EPHA7: variants seen among roughly 807,000 people sequenced by gnomAD.
EPHA7 encodes the protein EPH receptor A7, also known as ephrin type-A receptor 7.
In EPHA7, 25 loss-of-function variants were observed where a neutral mutation model predicts 112.6. That is an observed-to-expected ratio of 0.22 (90% CI 0.16 to 0.31). The LOEUF is 0.31. Ranked by LOEUF, EPHA7 falls within the 10% of genes least tolerant of loss-of-function variation. The pLI is 1.00. For missense variants in EPHA7, 962 were observed against 1,212.6 expected (o/e 0.79, Z 3.07); for synonymous variants, 437 against 406.5 (o/e 1.07, Z -0.90).
intron 1 of EPHA7, among the ~76,000 whole-genome samples, chr6:93,415,318 A>G (rs1322435124): frequency 6.6e-6 from 1 of 152,020 alleles, no homozygotes; most frequent in African/African-American, 2.4e-5. Flanking sequence ...TTATCAGAAA[A>G]CCAAATTGCC....
intron 15 of EPHA7, among the ~76,000 whole-genome samples, chr6:93,245,850 G>A (rs536386272): frequency 6.6e-6 from 1 of 152,232 alleles, no homozygotes; most frequent in African/African-American, 2.4e-5. Context: ...TTTGCTGATG[G>A]CATTCTTGTG....
chr6:93,298,713 A>G (rs1428935560), intron 5 of EPHA7, among the ~76,000 whole-genome samples: 2 of 152,272 alleles, frequency 1.3e-5, no homozygotes, highest in Non-Finnish European at 2.9e-5. Flanking sequence ...TTGAAAACCA[A>G]AAGACAATGC....
intron 5 of EPHA7, among the ~76,000 whole-genome samples, chr6:93,301,659 A>G (rs556872841): frequency 1.3e-5 from 2 of 152,314 alleles, no homozygotes; most frequent in South Asian, 4.1e-4. Flanking sequence ...CACATCACCA[A>G]AAGTGATGAC....
chr6:93,356,644 T>C, intron 5 of EPHA7, 73 bp downstream of exon 5: 1 of 1,367,224 alleles, frequency 7.3e-7, no homozygotes, highest in African/African-American at 1.5e-5. Context: ...AGAAACTAAC[T>C]AAATGTTCAA....
Position 93,255,960 on chromosome 6 carries a change from A to T in EPHA7, c.2250T>A (p.Ala750=), listed in dbSNP as rs971180836. 6.2e-7 allele frequency: 1 copy of T among 1,614,102 alleles called. No homozygotes were observed. Among genetic ancestry groups the T allele is most frequent in the Non-Finnish European group, 8.5e-7 (1 of 1,180,000 alleles). The change falls in exon 13 of 17, where the codon GCT becomes GCA. Residue 750 remains alanine (A), a synonymous_variant. Transcript: ENST00000369303. ...GGTCCCTGTGAACATATCCCATATC[A>T]GCCAAATATCTCATTCCAGCAGCAA... ...RGIAAGMRYL[A]DMGYVHRDLA...
intron 3 of EPHA7, among the ~76,000 whole-genome samples, chr6:93,386,441 C>T (rs1777609730): frequency 6.6e-6 from 1 of 152,182 alleles, no homozygotes; most frequent in Non-Finnish European, 1.5e-5. Context: ...CTATGTCTCA[C>T]ATTCAGGTCA....
chr6:93,314,604 A>G (rs946777723), intron 5 of EPHA7, among the ~76,000 whole-genome samples: 2 of 152,156 alleles, frequency 1.3e-5, no homozygotes, highest in African/African-American at 4.8e-5. Context: ...CAAACATGAA[A>G]GCCATATGAG....
chr6:93,246,638 GAAAAAAATAAACTTCAGTAAATGCAATAC>G (rs1238540794), intron 15 of EPHA7, among the ~76,000 whole-genome samples, 125 bp downstream of exon 15: 1 of 151,942 alleles, frequency 6.6e-6, no homozygotes, highest in Non-Finnish European at 1.5e-5. Context: ...TAACTGAAAA[GAAAAAAATAAACTTCAGTAAATGCAATAC>G]ATTTAATATG....
At chr6:93,360,414 A>T (rs764514424) in intron 3 of EPHA7, among the ~76,000 whole-genome samples, 1 of 152,140 alleles carries the variant, frequency 6.6e-6, no homozygotes, top group Non-Finnish European at 1.5e-5. Flanking sequence ...AGTAAAACAA[A>T]CAACCAAAGT....
intron 5 of EPHA7, among the ~76,000 whole-genome samples, chr6:93,331,455 A>C (rs541274033): frequency 6.6e-6 from 1 of 151,326 alleles, no homozygotes. Flanking sequence ...AAAAATACAA[A>C]AAAAAAAATT....
At chr6:93,251,345 C>T (rs145126062) in intron 14 of EPHA7, among the ~76,000 whole-genome samples, 622 of 151,740 alleles carry the variant, frequency 4.1e-3, no homozygotes, top group Middle Eastern at 0.017. Context: ...TCTTATATGG[C>T]TTTAAGGGAT....
Position 93,384,581 on chromosome 6 carries a change from A to G in EPHA7, c.832+25920T>C, listed in dbSNP as rs545443818. 2.0e-5 allele frequency among the ~76,000 whole-genome samples: 3 copies of G among 152,244 alleles called. No individual in the cohort carries two copies. The East Asian group carries it at 5.8e-4, about 29-fold the overall frequency. ...CCTAGCTATCTGATCATCAAATAAG[A>G]GCTGCGATTTCATATGTCACCCACT... On this transcript the variant is annotated intron_variant, in intron 3 of 16. Coordinates refer to ENST00000369303, the MANE Select transcript of EPHA7 (RefSeq NM_004440.4).
intron 5 of EPHA7, among the ~76,000 whole-genome samples, chr6:93,339,267 G>C (rs1436205827): frequency 6.6e-6 from 1 of 151,748 alleles, no homozygotes; most frequent in South Asian, 2.1e-4. Flanking sequence ...AACATTACTT[G>C]TTTAAAGAAT....
intron 3 of EPHA7, among the ~76,000 whole-genome samples, chr6:93,405,767 T>G (rs1778664399): frequency 7.0e-6 from 1 of 143,754 alleles, no homozygotes. Flanking sequence ...CTGGTGTTTC[T>G]TATATTTCTG....
chr6:93,385,850 G>C (rs1347600853), intron 3 of EPHA7, among the ~76,000 whole-genome samples: 2 of 152,152 alleles, frequency 1.3e-5, no homozygotes, highest in Admixed American at 6.6e-5. Flanking sequence ...TAACTGGGAA[G>C]GTCTCAGGAA....
At position 93,368,050 on chromosome 6, in the gene EPHA7, G is replaced by T. The variant is rs551334875; in HGVS notation, c.833-9639C>A. On this transcript the variant is annotated intron_variant, in intron 3 of 16. Coordinates refer to ENST00000369303, the MANE Select transcript of EPHA7 (RefSeq NM_004440.4). ...TACTGTGTATCTATTACTGTGTCAG[G>T]CAGGCAATGTACCAAAAAGGTATAT... is the stretch of plus-strand genomic sequence containing the variant. Among the ~76,000 whole-genome samples, 2 of 152,002 alleles carry T rather than the reference G, an allele frequency of 1.3e-5. 1 individual carries two copies.
chr6:93,369,154 G>C (rs990557045), intron 3 of EPHA7, among the ~76,000 whole-genome samples: 4 of 137,334 alleles, frequency 2.9e-5, no homozygotes, highest in African/African-American at 8.2e-5. Context: ...CAAAGAAAAA[G>C]AAAGAAAAGA....
intron 3 of EPHA7, among the ~76,000 whole-genome samples, chr6:93,399,067 C>A (rs1778315701): frequency 6.6e-6 from 1 of 152,040 alleles, no homozygotes; most frequent in Admixed American, 6.6e-5. Flanking sequence ...TTTTCCCTTG[C>A]AAGGGCAGAG....
chr6:93,390,539 G>A (rs974470651), intron 3 of EPHA7, among the ~76,000 whole-genome samples: 17 of 148,588 alleles, frequency 1.1e-4, no homozygotes, highest in Non-Finnish European at 1.0e-4. Context: ...CATGATGCCT[G>A]TAACTTACTT....
Sources: allele counts gnomAD v4.1 joint callset (sites outside exome capture counted in the v4.1 genomes callset), GRCh38; gene constraint gnomAD v4.1.1; transcripts MANE v1.5; gene names NCBI Gene and HGNC (gene_info 2026-07-23, HGNC 2026-07-21).